NKIRAS1: variants seen among roughly 807,000 people sequenced by gnomAD.
NKIRAS1 encodes NFKB inhibitor interacting Ras like 1, also known as NF-kappa-B inhibitor-interacting Ras-like protein 1.
In NKIRAS1, 16 loss-of-function variants were observed where a neutral mutation model predicts 19.8. The observed-to-expected ratio is 0.81, with a 90% confidence interval of 0.55 to 1.23. The LOEUF is 1.23. NKIRAS1 is among the 50% of genes most tolerant of loss of function. The pLI, the probability that NKIRAS1 is intolerant of heterozygous loss-of-function variation, is 0.00. For missense variants in NKIRAS1, 184 were observed against 220.0 expected (o/e 0.84, Z 1.04); for synonymous variants, 88 against 79.0 (o/e 1.11, Z -0.61).
rs958358924 is a variant in NKIRAS1, at chr3:23,892,583, A to G, written c.*512T>C. ...TTAGTCTGTTTAGCAAAATCTCCAC[A>G]AGATGAAATTTAGCTTACTACCCCA... is the stretch of plus-strand genomic sequence containing the variant. On this transcript the variant is annotated 3_prime_UTR_variant, in exon 5 of 5. Transcript: ENST00000425478. 2 of 152,220 alleles carry G rather than the reference A, an allele frequency of 1.3e-5. No individual in the cohort carries two copies. Among genetic ancestry groups the G allele is most frequent in the African/African-American group, 4.8e-5 (2 of 41,458 alleles). The allele number at this position is 152,220 out of a possible 1,614,324, so 9.4% of individuals were successfully genotyped here.
chr3:23,896,682 A>C (rs9842907), intron 4 of NKIRAS1, among the ~76,000 whole-genome samples: 45 of 151,552 alleles, frequency 3.0e-4, no homozygotes, highest in African/African-American at 1.1e-3. Context: ...AAAAAAAAAC[A>C]GGGGTGGGTG....
intron 1 of NKIRAS1, among the ~76,000 whole-genome samples, chr3:23,938,391 A>G (rs572732759): frequency 4.4e-4 from 67 of 152,124 alleles, no homozygotes; most frequent in African/African-American, 1.5e-3. Flanking sequence ...TAAATTTTTT[A>G]TAGAGTTGGG....
chr3:23,918,755 C>CGT, upstream of NKIRAS1: 1 of 729,616 alleles, frequency 1.4e-6, no homozygotes, highest in Non-Finnish European at 2.2e-6. Flanking sequence ...GTTACAAATG[C>CGT]GTGTGTATAT....
chr3:23,917,595 G>T, upstream of NKIRAS1: 1 of 376,392 alleles, frequency 2.7e-6, no homozygotes, highest in Non-Finnish European at 4.8e-6. Context: ...CCCCCTTGGT[G>T]CTCAGTTCTG....
At chr3:23,940,941 C>T (rs1394990120) in intron 1 of NKIRAS1, among the ~76,000 whole-genome samples, 4 of 152,222 alleles carry the variant, frequency 2.6e-5, no homozygotes, top group Non-Finnish European at 1.5e-5. Context: ...CTGAGACAAA[C>T]ATGCTTGGGA....
intron 1 of NKIRAS1, among the ~76,000 whole-genome samples, chr3:23,935,417 C>A (rs931009709): frequency 6.7e-6 from 1 of 150,308 alleles, no homozygotes; most frequent in African/African-American, 2.4e-5. Context: ...ACTCTTTTTT[C>A]TTTTTCTTTT....
intron 4 of NKIRAS1, among the ~76,000 whole-genome samples, chr3:23,900,280 G>A (rs1702381220): frequency 6.6e-6 from 1 of 152,132 alleles, no homozygotes; most frequent in African/African-American, 2.4e-5. Context: ...ACAAGCAAAA[G>A]GCAGAAAGTC....
At chr3:23,937,624 A>T (rs1040070411) in intron 1 of NKIRAS1, among the ~76,000 whole-genome samples, 1 of 151,976 alleles carries the variant, frequency 6.6e-6, no homozygotes, top group Non-Finnish European at 1.5e-5. Context: ...GAGAGTATTG[A>T]AAATAATGAG....
rs1323788154 is a variant in NKIRAS1 at position 23,897,491 on chromosome 3, T to C, written c.336+3317A>G. ...AATAAATGCAACTTAAGCCATATCA[T>C]GTCATTCCTTTGCCCCAAACCAGTG... On this transcript the variant is annotated intron_variant, in intron 4 of 4. Transcript: ENST00000425478. Among the ~76,000 whole-genome samples the C allele has an allele frequency of 2.6e-5, 4 of 152,318 alleles. No homozygotes were observed. The East Asian group carries it at 5.8e-4, about 22-fold the overall frequency.
upstream of NKIRAS1, chr3:23,920,537 C>T (rs1705020102): frequency 3.0e-6 from 3 of 985,314 alleles, no homozygotes; most frequent in East Asian, 1.1e-4. Flanking sequence ...CCATGTCTTC[C>T]AGGAGACTAG....
Position 23,893,246 on chromosome 3 carries a change from T to C in NKIRAS1, c.428A>G (p.Lys143Arg), listed in dbSNP as rs1395327607. The change falls in exon 5 of 5, where the codon AAA becomes AGA. Residue 143 changes from lysine (K) to arginine (R), a missense_variant. Lys to Arg is a conservative substitution (Grantham distance 26). Coordinates refer to ENST00000425478, the MANE Select transcript of NKIRAS1 (RefSeq NM_020345.4). The part of the protein sequence containing the change: ...EVAQQWAKSE[K>R]VRLWEVTVTD... ...AACAGTCACCTCCCACAGTCTTACT[T>C]TCTCACTTTTTGCCCACTGCTGTGC... The C allele has an allele frequency of 6.2e-7, 1 of 1,614,198 alleles. No individual in the cohort carries two copies. Among genetic ancestry groups the C allele is most frequent in the Non-Finnish European group, 8.5e-7 (1 of 1,180,034 alleles).
At chr3:23,893,907 C>G (rs1451452213) in intron 4 of NKIRAS1, among the ~76,000 whole-genome samples, 2 of 150,230 alleles carry the variant, frequency 1.3e-5, no homozygotes. Flanking sequence ...AAATTGGCAT[C>G]TAGGATACAG....
upstream of NKIRAS1, chr3:23,919,184 T>C: frequency 6.2e-7 from 1 of 1,605,194 alleles, no homozygotes. Context: ...TGGGCCTTTT[T>C]TCCTATTCTA....
chr3:23,946,040 C>G lies in NKIRAS1; in HGVS notation c.-140+283G>C, dbSNP rs973778705. 8.3e-5 allele frequency: 78 copies of G among 937,610 alleles called. No individual in the cohort carries two copies. In the African/African-American group the frequency reaches 1.0e-3, roughly 12 times the overall value. 58.1% of individuals were successfully genotyped at this position (937,610 alleles called of 1,614,324 possible). ...ACACGTGGGGGCGGGGGCGCGCGCG[C>G]GCGCGCTGGCTGGGAGCGCCGCAGC... On this transcript the variant is annotated intron_variant, in intron 1 of 4. Transcript: ENST00000421515.
upstream of NKIRAS1, chr3:23,918,849 T>C (rs1575120332): frequency 3.9e-6 from 2 of 507,766 alleles, no homozygotes; most frequent in Non-Finnish European, 3.4e-6. Flanking sequence ...GCCTAAAATA[T>C]ATACTAAATA....
rs751917068 is a variant in NKIRAS1 at position 23,893,312 on chromosome 3, T to C, written c.362A>G (p.Lys121Arg). The C allele has an allele frequency of 6.2e-7, 1 of 1,613,768 alleles. No individual in the cohort carries two copies. The highest frequency in any genetic ancestry group is 8.5e-7 in the Non-Finnish European group (1 of 1,179,896). ...TTGTCTCTGCTCAGAAAGGTCGATT[T>C]TGTTTCCTAATACCACAATTGCTAC... is the stretch of plus-strand genomic sequence containing the variant. ...KEVAIVVLGN[K>R]IDLSEQRQVD... The change falls in exon 5 of 5, where the codon AAA becomes AGA. Residue 121 changes from lysine (K) to arginine (R), a missense_variant. Physicochemically the swap from Lys to Arg is conservative, Grantham distance 26. Coordinates refer to ENST00000425478, the MANE Select transcript of NKIRAS1 (RefSeq NM_020345.4).
chr3:23,925,998 A>G (rs1301025692), intron 1 of NKIRAS1, among the ~76,000 whole-genome samples: 2 of 152,174 alleles, frequency 1.3e-5, no homozygotes, highest in South Asian at 4.1e-4. Context: ...AAATATTTTG[A>G]CCATCACAGA....
intron 3 of NKIRAS1, among the ~76,000 whole-genome samples, chr3:23,906,646 ATTTT>A (rs11293534): frequency 9.2e-5 from 13 of 141,174 alleles, no homozygotes; most frequent in Non-Finnish European, 1.2e-4. Context: ...CTTCCTTATG[ATTTT>A]TTTTTTTTTT....
At chr3:23,928,851 G>A (rs1037874603) in intron 1 of NKIRAS1, among the ~76,000 whole-genome samples, 2 of 151,870 alleles carry the variant, frequency 1.3e-5, no homozygotes, top group Admixed American at 6.6e-5. Context: ...AATTAGCCAG[G>A]TGTGGCGGTG....
Sources: allele counts gnomAD v4.1 joint callset (sites outside exome capture counted in the v4.1 genomes callset), GRCh38; gene constraint gnomAD v4.1.1; transcripts MANE v1.5; gene names NCBI Gene and HGNC (gene_info 2026-07-23, HGNC 2026-07-21).